FBXW11: variants seen among roughly 807,000 people sequenced by gnomAD.
FBXW11 encodes the protein F-box and WD repeat domain containing 11.
A neutral mutation model predicts 77.6 loss-of-function variants in FBXW11; 19 were observed. The observed-to-expected ratio is 0.24, with a 90% CI of 0.17 to 0.36. The LOEUF is 0.36. Among genes scored for constraint, FBXW11 ranks in the 10% least tolerant of loss-of-function variants. The pLI is 1.00. For synonymous variants in FBXW11, 235 were observed against 249.4 expected, an observed-to-expected ratio of 0.94 and a Z score of 0.54; for missense variants, 334 against 704.2, an observed-to-expected ratio of 0.47 and a Z score of 5.95.
At chr5:171,983,005 C>G (rs1280627327) in intron 1 of FBXW11, among the ~76,000 whole-genome samples, 1 of 152,038 alleles carries the variant, frequency 6.6e-6, no homozygotes, top group Non-Finnish European at 1.5e-5. Context: ...AGTTTGAGAC[C>G]AGCCTGGGAA....
At chr5:171,927,447 C>T (rs1409988153) in intron 2 of FBXW11, among the ~76,000 whole-genome samples, 1 of 152,084 alleles carries the variant, frequency 6.6e-6, no homozygotes, top group East Asian at 1.9e-4. Context: ...CACACACATA[C>T]TAAATTTTTA....
chr5:171,986,635 G>C (rs981676181), intron 1 of FBXW11, among the ~76,000 whole-genome samples: 2 of 151,838 alleles, frequency 1.3e-5, no homozygotes, highest in African/African-American at 4.8e-5. Context: ...GCTGAGATAG[G>C]AGAATCGCTT....
intron 7 of FBXW11, among the ~76,000 whole-genome samples, chr5:171,885,584 C>T (rs1400682656): frequency 6.6e-6 from 1 of 152,170 alleles, no homozygotes; most frequent in African/African-American, 2.4e-5. Flanking sequence ...TACTTGTTGT[C>T]AGGACAAGTA....
At chr5:171,930,774 A>AAG (rs1161624834) in intron 2 of FBXW11, among the ~76,000 whole-genome samples, 1 of 149,920 alleles carries the variant, frequency 6.7e-6, no homozygotes, top group African/African-American at 2.4e-5. Context: ...AAAAAAAAAA[A>AAG]AAGAAAAACT....
intron 2 of FBXW11, among the ~76,000 whole-genome samples, chr5:171,950,511 T>G (rs1763249876): frequency 6.6e-6 from 1 of 152,088 alleles, no homozygotes; most frequent in Non-Finnish European, 1.5e-5. Context: ...TGGGGACATG[T>G]CTATAACATA....
At chr5:171,905,912 C>T (rs1368507921) in intron 4 of FBXW11, among the ~76,000 whole-genome samples, 1 of 152,164 alleles carries the variant, frequency 6.6e-6, no homozygotes, top group African/African-American at 2.4e-5. Context: ...AACAAGAGGA[C>T]ACATTACAGC....
intron 7 of FBXW11, 39 bp from the exon 8 acceptor site, chr5:171,878,168 T>C (rs1479770858): frequency 7.1e-7 from 1 of 1,405,470 alleles, no homozygotes; most frequent in Non-Finnish European, 1.0e-6. Context: ...TGATTAATTA[T>C]ACTATATTTT....
intron 1 of FBXW11, among the ~76,000 whole-genome samples, chr5:171,982,678 T>C (rs1262458456): frequency 5.9e-5 from 9 of 152,194 alleles, no homozygotes; most frequent in Admixed American, 3.3e-4. Context: ...AGTGTGGTGT[T>C]ATGACACATA....
Position 171,874,727 on chromosome 5 carries a change from G to A in FBXW11, c.1221+1558C>T, listed in dbSNP as rs568491778. 2.1e-5 allele frequency among the ~76,000 whole-genome samples: 3 copies of A among 142,118 alleles called. No homozygotes were observed. The South Asian group carries it at 6.8e-4, about 32-fold the overall frequency. 93.2% of individuals were successfully genotyped at this position (142,118 alleles called of 152,430 possible). A position where few individuals can be genotyped will look rare whatever the true frequency, so the allele number is the denominator to read the frequency against. ...CTCAAAATGCTAAACACAAGCCTGG[G>A]TGACAAAGTGAGACCTGGTCTCTAC... On this transcript the variant is annotated intron_variant, in intron 9 of 13. Coordinates refer to ENST00000517395, the MANE Select transcript of FBXW11 (RefSeq NM_001378974.1).
At chr5:171,884,427 G>A (rs899659771) in intron 7 of FBXW11, among the ~76,000 whole-genome samples, 39 of 152,176 alleles carry the variant, frequency 2.6e-4, no homozygotes, top group African/African-American at 9.4e-4. Context: ...GTACCATGCT[G>A]TTTTGGTGAC....
At chr5:171,916,708 C>T (rs375785140) in intron 2 of FBXW11, among the ~76,000 whole-genome samples, 4 of 151,986 alleles carry the variant, frequency 2.6e-5, no homozygotes, top group African/African-American at 9.7e-5. Flanking sequence ...GTTACAAAGC[C>T]GTCTTGCAAG....
At chr5:171,908,686 C>T (rs1048393622) in intron 4 of FBXW11, 1 of 152,166 alleles carries the variant, frequency 6.6e-6, no homozygotes, top group African/African-American at 2.4e-5. Context: ...CCTTAAAACT[C>T]CCATTGTAGA....
chr5:171,973,577 CA>C (rs1202707741), intron 1 of FBXW11, among the ~76,000 whole-genome samples: 2 of 152,140 alleles, frequency 1.3e-5, no homozygotes, highest in African/African-American at 4.8e-5. Flanking sequence ...CACACAACAG[CA>C]AAGTGTAAGG....
chr5:171,954,349 T>G (rs1763509667), intron 2 of FBXW11, among the ~76,000 whole-genome samples: 1 of 152,210 alleles, frequency 6.6e-6, no homozygotes, highest in South Asian at 2.1e-4. Flanking sequence ...TTCACCTCTA[T>G]AATTTCATAT....
intron 1 of FBXW11, among the ~76,000 whole-genome samples, chr5:171,990,619 C>T (rs1274376371): frequency 6.6e-6 from 1 of 151,990 alleles, no homozygotes. Flanking sequence ...CATATTTGTA[C>T]AATAAATCAG....
intron 7 of FBXW11, among the ~76,000 whole-genome samples, chr5:171,888,897 G>A (rs1343801748): frequency 2.0e-5 from 3 of 152,184 alleles, no homozygotes; most frequent in Non-Finnish European, 2.9e-5. Context: ...ACTTGATGGG[G>A]CGGAGGGTAA....
intron 6 of FBXW11, among the ~76,000 whole-genome samples, chr5:171,897,054 T>C (rs1020349844): frequency 4.6e-5 from 7 of 152,188 alleles, no homozygotes; most frequent in Non-Finnish European, 1.0e-4. Flanking sequence ...GAAGGGTACA[T>C]GGTTGATCAC....
chr5:171,958,982 C>G (rs1763758830), intron 1 of FBXW11, among the ~76,000 whole-genome samples: 1 of 151,550 alleles, frequency 6.6e-6, no homozygotes, highest in South Asian at 2.1e-4. Context: ...TGGATAAATT[C>G]TATTATCACC....
At chr5:171,919,869 A>T (rs1326447732) in intron 2 of FBXW11, among the ~76,000 whole-genome samples, 1 of 152,114 alleles carries the variant, frequency 6.6e-6, no homozygotes, top group Non-Finnish European at 1.5e-5. Flanking sequence ...CACAAAGAAA[A>T]CACAGGCTGG....
Sources: allele counts gnomAD v4.1 joint callset (sites outside exome capture counted in the v4.1 genomes callset), GRCh38; gene constraint gnomAD v4.1.1; transcripts MANE v1.5; gene names NCBI Gene and HGNC (gene_info 2026-07-23, HGNC 2026-07-21).